The following WWC2 variants were observed in gnomAD, a reference collection of about 807,000 sequenced individuals.
WWC2 encodes the protein protein WWC2.
Under a neutral mutation model 138.5 loss-of-function variants are expected in WWC2, and 101 were observed. The observed-to-expected ratio is 0.73, with a 90% CI of 0.62 to 0.86. WWC2 has a LOEUF of 0.86. Among genes scored for constraint, WWC2 ranks in the 40% least tolerant of loss-of-function variants. The probability of loss-of-function intolerance (pLI) is 0.00; values close to 1 mark genes in which losing one functional copy is unlikely to be tolerated. For synonymous variants in WWC2, 558 were observed against 538.4 expected, an observed-to-expected ratio of 1.04 and a Z score of -0.50; for missense variants, 1,420 against 1,419.4, an observed-to-expected ratio of 1.00 and a Z score of -0.01.
intron 1 of WWC2, among the ~76,000 whole-genome samples, chr4:183,183,238 G>C (rs1459361728): frequency 6.6e-6 from 1 of 152,154 alleles, no homozygotes; most frequent in Non-Finnish European, 1.5e-5. Flanking sequence ...TGTTGCATAG[G>C]TAAACGTGTG....
chr4:183,269,408 T>C, intron 15 of WWC2: 1 of 633,076 alleles, frequency 1.6e-6, no homozygotes, highest in East Asian at 3.4e-5. Context: ...ATTTCTACCT[T>C]TTCACCACAG....
At chr4:183,204,525 GT>G (rs1430311938) in intron 2 of WWC2, among the ~76,000 whole-genome samples, 1 of 152,106 alleles carries the variant, frequency 6.6e-6, no homozygotes, top group Non-Finnish European at 1.5e-5. Context: ...TTTTATTGCT[GT>G]TCCATTATAC....
chr4:183,256,526 G>A (rs1053095510), intron 9 of WWC2, among the ~76,000 whole-genome samples: 1 of 152,032 alleles, frequency 6.6e-6, no homozygotes, highest in Non-Finnish European at 1.5e-5. Flanking sequence ...TGCTGCTGTT[G>A]CACTGACGCC....
rs1055337065 is a variant in WWC2, at chr4:183,320,629, T to A, written c.*4900T>A. 4.9e-6 allele frequency: 1 copy of A among 202,312 alleles called. No individual in the cohort carries two copies. Among genetic ancestry groups the A allele is most frequent in the African/African-American group, 2.4e-5 (1 of 42,406 alleles). 12.5% of individuals were successfully genotyped at this position (202,312 alleles called of 1,614,324 possible). ...TGGTTTTGGTTCAACTCCTCCTGCT[T>A]TGTGTTTCACTAACTGCACCTGTCA... On this transcript the variant is annotated 3_prime_UTR_variant, in exon 23 of 23. Transcript: ENST00000403733.
chr4:183,236,932 A>C (rs924829115), intron 4 of WWC2, among the ~76,000 whole-genome samples: 1 of 152,090 alleles, frequency 6.6e-6, no homozygotes, highest in Non-Finnish European at 1.5e-5. Context: ...CAACTTCTTT[A>C]ATCAATGTTT....
intron 2 of WWC2, among the ~76,000 whole-genome samples, chr4:183,197,689 C>T (rs1735181456): frequency 6.6e-6 from 1 of 152,112 alleles, no homozygotes; most frequent in Non-Finnish European, 1.5e-5. Context: ...ATTATTAATA[C>T]AACCAGAAGT....
At chr4:183,245,600 AACTC>A in intron 6 of WWC2, 55 bp downstream of exon 6, 1 of 1,487,400 alleles carries the variant, frequency 6.7e-7, no homozygotes, top group South Asian at 1.4e-5. Flanking sequence ...GGCCCCCAGA[AACTC>A]TTACTGGGGC....
intron 14 of WWC2, among the ~76,000 whole-genome samples, chr4:183,266,570 C>T (rs1169661049): frequency 1.3e-5 from 2 of 152,198 alleles, no homozygotes; most frequent in Non-Finnish European, 2.9e-5. Context: ...AAGTCTTAGA[C>T]ACCACCATTC....
At chr4:183,140,032 G>A (rs1247563007) in intron 1 of WWC2, among the ~76,000 whole-genome samples, 6 of 152,156 alleles carry the variant, frequency 3.9e-5, no homozygotes, top group African/African-American at 1.2e-4. Flanking sequence ...AGCTGGTCTC[G>A]AACTCCTGAC....
chr4:183,138,603 T>C (rs1333824444), intron 1 of WWC2, among the ~76,000 whole-genome samples: 2 of 152,320 alleles, frequency 1.3e-5, no homozygotes, highest in Admixed American at 6.5e-5. Flanking sequence ...ATTTATCGTA[T>C]GGTCCTTTAT....
chr4:183,159,240 T>A (rs1213207821), intron 1 of WWC2, among the ~76,000 whole-genome samples: 1 of 152,252 alleles, frequency 6.6e-6, no homozygotes, highest in Non-Finnish European at 1.5e-5. Context: ...TACAGGTAAT[T>A]TGAAATTACT....
intron 16 of WWC2, among the ~76,000 whole-genome samples, chr4:183,275,840 T>C (rs942335893): frequency 6.6e-6 from 1 of 152,154 alleles, no homozygotes; most frequent in Admixed American, 6.6e-5. Context: ...TAATTTGTAT[T>C]AATTCTTCTG....
intron 1 of WWC2, among the ~76,000 whole-genome samples, chr4:183,152,855 C>T (rs1733682923): frequency 6.6e-6 from 1 of 151,816 alleles, no homozygotes; most frequent in Admixed American, 6.6e-5. Flanking sequence ...TGCACTCCAG[C>T]CTGGGTGACA....
At chr4:183,265,807 T>C in intron 13 of WWC2, 39 bp downstream of exon 13, 2 of 1,609,072 alleles carry the variant, frequency 1.2e-6, no homozygotes, top group Non-Finnish European at 1.7e-6. Context: ...TTCTGACATC[T>C]GTGCAGGGCA....
At chr4:183,145,784 C>T (rs1408640251) in intron 1 of WWC2, among the ~76,000 whole-genome samples, 2 of 152,204 alleles carry the variant, frequency 1.3e-5, no homozygotes, top group Admixed American at 6.5e-5. Context: ...TTGATCTGAA[C>T]TTAACTAAAA....
At chr4:183,235,853 A>C (rs1181859971) in intron 4 of WWC2, among the ~76,000 whole-genome samples, 1 of 152,236 alleles carries the variant, frequency 6.6e-6, no homozygotes, top group African/African-American at 2.4e-5. Context: ...AAAAAAATTT[A>C]AATTGACCTA....
At chr4:183,303,859 G>T (rs72703408) in intron 21 of WWC2, among the ~76,000 whole-genome samples, 7,497 of 151,500 alleles carry the variant, frequency 0.049, 225 homozygotes, top group South Asian at 0.084. Flanking sequence ...TATAGTACAT[G>T]CCTGCATTTA....
intron 1 of WWC2, among the ~76,000 whole-genome samples, chr4:183,153,581 T>A (rs1733705951): frequency 6.6e-6 from 1 of 152,068 alleles, no homozygotes; most frequent in Non-Finnish European, 1.5e-5. Flanking sequence ...ACGATACTAA[T>A]GTGTTATTTT....
chr4:183,144,786 T>G (rs1327706248), intron 1 of WWC2, among the ~76,000 whole-genome samples: 1 of 152,222 alleles, frequency 6.6e-6, no homozygotes, highest in Non-Finnish European at 1.5e-5. Context: ...AGAACGCTGT[T>G]CATTCTACAT....
Sources: gnomAD v4.1 joint callset for allele counts (sites outside exome capture counted in the v4.1 genomes callset) on GRCh38, gnomAD v4.1.1 for gene constraint, MANE v1.5 for transcripts, NCBI Gene and HGNC (gene_info 2026-07-23, HGNC 2026-07-21) for gene names.